NAALADL2: variants seen among roughly 807,000 people sequenced by gnomAD.
NAALADL2 encodes N-acetylated alpha-linked acidic dipeptidase like 2, also known as inactive N-acetylated-alpha-linked acidic dipeptidase-like protein 2.
NAALADL2 carries 76 observed loss-of-function variants against 87.2 expected under a neutral mutation model. That is an observed-to-expected ratio of 0.87 (90% CI 0.72 to 1.05). The LOEUF (loss-of-function observed/expected upper bound fraction) is 1.05. Among genes scored for constraint, NAALADL2 ranks in the 50% least tolerant of loss-of-function variants. NAALADL2 has a pLI of 0.00. For synonymous variants in NAALADL2, 354 were observed against 331.0 expected (o/e 1.07, Z -0.75); for missense variants, 1,089 against 945.8 (o/e 1.15, Z -1.99).
At chr3:174,975,512 C>T (rs1744245412) in intron 1 of NAALADL2, among the ~76,000 whole-genome samples, 1 of 151,972 alleles carries the variant, frequency 6.6e-6, no homozygotes, top group Admixed American at 6.6e-5. Context: ...TGACAAAAAC[C>T]ACAATTACTT....
At chr3:174,986,309 C>T (rs998709837) in intron 1 of NAALADL2, among the ~76,000 whole-genome samples, 1 of 147,114 alleles carries the variant, frequency 6.8e-6, no homozygotes, top group African/African-American at 2.5e-5. Flanking sequence ...AATATATATA[C>T]ACAATATATA....
chr3:174,927,367 A>G (rs1175678526), intron 1 of NAALADL2, among the ~76,000 whole-genome samples: 3 of 152,220 alleles, frequency 2.0e-5, no homozygotes, highest in Admixed American at 1.3e-4. Flanking sequence ...CCTAATAGAC[A>G]TCTACAGAAC....
intron 4 of NAALADL2, among the ~76,000 whole-genome samples, chr3:175,285,375 G>A (rs1754856242): frequency 6.6e-6 from 1 of 152,022 alleles, no homozygotes; most frequent in Admixed American, 6.6e-5. Context: ...GTCATCATCA[G>A]TACTTCCAAA....
chr3:175,462,565 T>C (rs10460885), intron 6 of NAALADL2, among the ~76,000 whole-genome samples: 19,832 of 152,158 alleles, frequency 0.13, 2,438 homozygotes, highest in African/African-American at 0.32. Flanking sequence ...AAATGTGCCA[T>C]GCTCTGCCCT....
chr3:175,302,825 C>T (rs539962391), intron 4 of NAALADL2, among the ~76,000 whole-genome samples: 50 of 150,654 alleles, frequency 3.3e-4, no homozygotes, highest in Non-Finnish European at 5.2e-4. Flanking sequence ...CCTGTCGAAA[C>T]GTGTGTGTAT....
At chr3:175,623,396 G>A (rs1010503595) in intron 10 of NAALADL2, among the ~76,000 whole-genome samples, 2 of 152,014 alleles carry the variant, frequency 1.3e-5, no homozygotes, top group African/African-American at 2.4e-5. Context: ...AAAATCTTGA[G>A]GTCTGCTCTT....
intron 2 of NAALADL2, among the ~76,000 whole-genome samples, chr3:174,593,247 C>G (rs1717563754): frequency 6.6e-6 from 1 of 152,072 alleles, no homozygotes; most frequent in South Asian, 2.1e-4. Context: ...CTGTGTAACT[C>G]AAATATGGTA....
chr3:175,111,377 ACAG>A (rs1724162823), intron 2 of NAALADL2, among the ~76,000 whole-genome samples: 1 of 151,640 alleles, frequency 6.6e-6, no homozygotes, highest in Non-Finnish European at 1.5e-5. Flanking sequence ...TAGAGGTTAC[ACAG>A]AATGTTTTTG....
chr3:174,488,132 A>C (rs2108344164), intron 1 of NAALADL2, among the ~76,000 whole-genome samples: 1 of 152,172 alleles, frequency 6.6e-6, no homozygotes, highest in Admixed American at 6.6e-5. Flanking sequence ...TAGAAATATT[A>C]TCATTCTCCT....
intron 12 of NAALADL2, among the ~76,000 whole-genome samples, chr3:175,746,522 G>A (rs182931107): frequency 6.6e-6 from 1 of 152,198 alleles, no homozygotes; most frequent in Admixed American, 6.5e-5. Context: ...AGATAATGAA[G>A]TACACTGGGT....
rs58697609 is a variant in NAALADL2, at chr3:175,667,254, A to G, written c.1896+39868A>G. ...AAGAAAGAAAGAAAAAGAAAGAAAG[A>G]AAGAAAGAAAGGAAGGAAGGGATGG... On this transcript the variant is annotated intron_variant, in intron 11 of 13. Coordinates refer to ENST00000454872, the MANE Select transcript of NAALADL2 (RefSeq NM_207015.3). 2.2e-3 allele frequency among the ~76,000 whole-genome samples: 314 copies of G among 140,552 alleles called. 1 individual carries two copies. Among genetic ancestry groups the G allele is most frequent in the African/African-American group, 8.6e-3 (286 of 33,082 alleles). The allele number at this position is 140,552 out of a possible 152,430, so 92.2% of individuals were successfully genotyped here. A position where few individuals can be genotyped will look rare whatever the true frequency, so the allele number is the denominator to read the frequency against.
chr3:175,474,493 T>C (rs891617471), intron 9 of NAALADL2, among the ~76,000 whole-genome samples: 11 of 152,192 alleles, frequency 7.2e-5, no homozygotes, highest in Admixed American at 5.9e-4. Context: ...TCAGACAACA[T>C]CTTGATATGA....
intron 1 of NAALADL2, among the ~76,000 whole-genome samples, chr3:175,061,741 A>ATATATG (rs1713537487): frequency 6.7e-6 from 1 of 149,384 alleles, no homozygotes; most frequent in Admixed American, 6.7e-5. Context: ...ATATATATAT[A>ATATATG]TATATATATA....
At chr3:175,744,138 T>C (rs991725905) in intron 12 of NAALADL2, among the ~76,000 whole-genome samples, 1 of 152,202 alleles carries the variant, frequency 6.6e-6, no homozygotes, top group African/African-American at 2.4e-5. Flanking sequence ...ATTCTCAGAA[T>C]AGGCCAGGGA....
intron 1 of NAALADL2, among the ~76,000 whole-genome samples, chr3:174,879,199 G>A (rs1728886100): frequency 6.6e-6 from 1 of 151,976 alleles, no homozygotes; most frequent in South Asian, 2.1e-4. Flanking sequence ...ATGTGGCATG[G>A]AGAATAAGTA....
chr3:174,487,244 A>G (rs1179717768), intron 1 of NAALADL2, among the ~76,000 whole-genome samples: 1 of 152,046 alleles, frequency 6.6e-6, no homozygotes, highest in African/African-American at 2.4e-5. Context: ...TGTTCATATG[A>G]GCCAAAGCCA....
Position 175,762,846 on chromosome 3 carries a change from AG to A in NAALADL2, c.2189+7430del, listed in dbSNP as rs201588806. Among the ~76,000 whole-genome samples the A allele has an allele frequency of 4.4e-3, 672 of 152,216 alleles. 11 individuals carry two copies. The highest frequency in any genetic ancestry group is 0.015 in the African/African-American group (623 of 41,558). ...CGCGTGTAATCCCAGCACTTTGGGA[AG>A]GCCGAGGCAGGCGGATCACGAGGTC... On this transcript the variant is annotated intron_variant, in intron 13 of 13. Coordinates refer to ENST00000454872, the MANE Select transcript of NAALADL2 (RefSeq NM_207015.3).
chr3:175,366,246 T>G (rs1379058025), intron 5 of NAALADL2, among the ~76,000 whole-genome samples: 1 of 150,060 alleles, frequency 6.7e-6, no homozygotes, highest in Non-Finnish European at 1.5e-5. Flanking sequence ...ATTTTCTTAA[T>G]CCAGTCTATC....
At chr3:174,767,567 T>G (rs1001797586) in intron 3 of NAALADL2, among the ~76,000 whole-genome samples, 1 of 152,046 alleles carries the variant, frequency 6.6e-6, no homozygotes, top group African/African-American at 2.4e-5. Context: ...GTTATGACGC[T>G]CACAGGAAGC....
Sources: allele counts gnomAD v4.1 joint callset (sites outside exome capture counted in the v4.1 genomes callset), GRCh38; gene constraint gnomAD v4.1.1; transcripts MANE v1.5; gene names NCBI Gene and HGNC (gene_info 2026-07-23, HGNC 2026-07-21).